MAP3K13: variants seen among roughly 807,000 people sequenced by gnomAD.
The protein encoded by MAP3K13 is mitogen-activated protein kinase kinase kinase 13.
A neutral mutation model predicts 104.0 loss-of-function variants in MAP3K13; 52 were observed. The observed-to-expected ratio is 0.50, with a 90% CI of 0.40 to 0.63. The LOEUF is 0.63. Ranked by LOEUF, MAP3K13 falls within the 20% of genes least tolerant of loss-of-function variation. MAP3K13 has a pLI of 0.00. For synonymous variants in MAP3K13, 394 were observed against 442.2 expected (o/e 0.89, Z 1.37); for missense variants, 914 against 1,218.5 (o/e 0.75, Z 3.72).
At chr3:185,336,511 C>A (rs1283201914) in intron 2 of MAP3K13, among the ~76,000 whole-genome samples, 1 of 145,946 alleles carries the variant, frequency 6.9e-6, no homozygotes, top group East Asian at 2.0e-4. Context: ...CATTGCACTC[C>A]AGCCTGGGTG....
At position 185,423,854 on chromosome 3, in the gene MAP3K13, C is replaced by T. The variant is rs912242967; in HGVS notation, c.-85-4643C>T. 2.6e-5 allele frequency among the ~76,000 whole-genome samples: 4 copies of T among 152,166 alleles called. No individual in the cohort carries two copies. Among genetic ancestry groups the T allele is most frequent in the Admixed American group, 2.0e-4 (3 of 15,286 alleles). On this transcript the variant is annotated intron_variant, in intron 1 of 13. Coordinates refer to ENST00000265026, the MANE Select transcript of MAP3K13 (RefSeq NM_004721.5). The surrounding 1 kb of genome is among the most constrained non-coding windows in gnomAD (Gnocchi z 4.1). ...TCTGGGTCAGCAGCCCCATCACGCA[C>T]GCTCTGGTCATTCCCGCTTCCCTGC...
chr3:185,428,580 C>T lies in MAP3K13; in HGVS notation c.-2C>T, dbSNP rs368387123. On this transcript the variant is annotated 5_prime_UTR_variant, in exon 2 of 14. The change creates a new upstream start codon in the 5' untranslated region. Coordinates refer to ENST00000265026, the MANE Select transcript of MAP3K13 (RefSeq NM_004721.5). Reference sequence around the variant, plus strand: ...CAGGACTTTGGTTATACTCATGGCACGATGGCCAACTTTCAGGAGCACCTG... The same window carrying T: ...CAGGACTTTGGTTATACTCATGGCATGATGGCCAACTTTCAGGAGCACCTG... 2.0e-5 allele frequency: 31 copies of T among 1,577,336 alleles called. No individual in the cohort carries two copies. In the Admixed American group the frequency reaches 3.7e-4, roughly 19 times the overall value.
At chr3:185,453,564 AT>A (rs1173871136) in intron 7 of MAP3K13, among the ~76,000 whole-genome samples, 2 of 151,804 alleles carry the variant, frequency 1.3e-5, no homozygotes, top group African/African-American at 4.8e-5. Context: ...AGGTCAAGAG[AT>A]TGAGACCATC....
In MAP3K13 at chr3:185,303,635, C is replaced by A. The variant is rs537220883; in HGVS notation, c.-86+17992C>A. ...ATTATTCATAGTACTCTCTTACAAT[C>A]CTTTTTATTTCTGTGGCATCAGTTG... On this transcript the variant is annotated intron_variant, in intron 2 of 14. Transcript: ENST00000424227. Among the ~76,000 whole-genome samples, 103 of 151,854 alleles carry A rather than the reference C, an allele frequency of 6.8e-4. No individual in the cohort carries two copies. In the Middle Eastern group the frequency reaches 0.01, roughly 15 times the overall value.
intron 7 of MAP3K13, among the ~76,000 whole-genome samples, chr3:185,458,573 C>G (rs1716905431): frequency 6.6e-6 from 1 of 152,072 alleles, no homozygotes; most frequent in Admixed American, 6.5e-5. Context: ...CAGGGAACTC[C>G]TATTGTGTTT....
intron 2 of MAP3K13, among the ~76,000 whole-genome samples, chr3:185,306,182 T>C (rs747994756): frequency 5.9e-5 from 9 of 152,214 alleles, no homozygotes; most frequent in African/African-American, 2.2e-4. Flanking sequence ...CAATCCACCA[T>C]TGATGGGCAC....
At chr3:185,403,256 T>C (rs970757841) in intron 1 of MAP3K13, among the ~76,000 whole-genome samples, 1 of 152,200 alleles carries the variant, frequency 6.6e-6, no homozygotes, top group Non-Finnish European at 1.5e-5. Flanking sequence ...CTAAACAAAT[T>C]AACCCCACTC....
intron 2 of MAP3K13, among the ~76,000 whole-genome samples, chr3:185,288,079 C>T (rs1720592790): frequency 6.6e-6 from 1 of 152,084 alleles, no homozygotes; most frequent in Non-Finnish European, 1.5e-5. Flanking sequence ...TCCTAATGTC[C>T]TTGGGATTAA....
chr3:185,484,686 G>A lies in MAP3K13; in HGVS notation c.*2230G>A, dbSNP rs986887449. On this transcript the variant is annotated 3_prime_UTR_variant, in exon 14 of 14. Transcript: ENST00000265026. ...AAGGAAAATGTTTAATTTATACAAA[G>A]AGCAGTATTGTTTGCATTAATTTAT... 2.0e-5 allele frequency: 3 copies of A among 152,216 alleles called. No homozygotes were observed. Among genetic ancestry groups the A allele is most frequent in the African/African-American group, 7.2e-5 (3 of 41,462 alleles). The allele number at this position is 152,216 out of a possible 1,614,324, so 9.4% of individuals were successfully genotyped here.
At chr3:185,440,254 GA>G (rs1047048109) in intron 3 of MAP3K13, among the ~76,000 whole-genome samples, 20 of 152,160 alleles carry the variant, frequency 1.3e-4, no homozygotes, top group Non-Finnish European at 2.8e-4. Context: ...TAGCTACTAA[GA>G]AACCTTGTCA....
At chr3:185,348,121 C>T (rs1468389057) in intron 2 of MAP3K13, among the ~76,000 whole-genome samples, 1 of 151,994 alleles carries the variant, frequency 6.6e-6, no homozygotes, top group African/African-American at 2.4e-5. Context: ...AAATAATCTC[C>T]TGGGGAAAAT....
rs1713900649 is a variant in MAP3K13, at chr3:185,418,161, G to A, written c.-85-10336G>A. ...TATCCTCATTATAGATGATGCACAG[G>A]CCCCTGCGCTGGATACGGCGACGGT... On this transcript the variant is annotated intron_variant, in intron 1 of 13. Transcript: ENST00000265026. This position sits in a 1 kb window ranked among gnomAD's most constrained non-coding sequence, Gnocchi z 4.5. 5 of 1,609,522 alleles carry A rather than the reference G, an allele frequency of 3.1e-6. No homozygotes were observed. In the South Asian group the frequency reaches 4.4e-5, roughly 14 times the overall value.
intron 1 of MAP3K13, among the ~76,000 whole-genome samples, chr3:185,415,577 C>T (rs4687335): frequency 0.26 from 19,027 of 72,062 alleles, 1,731 homozygotes; most frequent in South Asian, 0.42. Flanking sequence ...GGGTTAATTT[C>T]TTTTTTTTTT....
In MAP3K13 at chr3:185,465,860, TTAAG is replaced by T. The variant is rs757281580; in HGVS notation, c.1505_1505+3del. 1.9e-6 allele frequency: 3 copies of T among 1,605,346 alleles called. No homozygotes were observed. The African/African-American group carries it at 4.0e-5, about 21-fold the overall frequency. On this transcript the variant is annotated splice_donor_variant and coding_sequence_variant, in exon 9 of 14. Coordinates refer to ENST00000265026, the MANE Select transcript of MAP3K13 (RefSeq NM_004721.5). LOFTEE classifies it high-confidence loss of function. ...CTAGAAATGCGGGAGAAGGAGCTCA[TTAAG>T]TATGTATCCAGACTAGTGTCTGTTC...
chr3:185,287,778 G>C (rs144509433), intron 2 of MAP3K13, among the ~76,000 whole-genome samples: 1 of 152,280 alleles, frequency 6.6e-6, no homozygotes, highest in East Asian at 1.9e-4. Flanking sequence ...GCTCATGCCT[G>C]TAATCCTAGC....
rs1240346149 is a variant in MAP3K13 at position 185,486,219 on chromosome 3, C to A, written c.*3763C>A. ...TGATCAGTTTTTTTTGAATTCTCAT[C>A]TTGATTATCTGTTATGCTATTGTCA... is the stretch of plus-strand genomic sequence containing the variant. On this transcript the variant is annotated 3_prime_UTR_variant, in exon 14 of 14. Coordinates refer to ENST00000265026, the MANE Select transcript of MAP3K13 (RefSeq NM_004721.5). 6.6e-6 allele frequency: 1 copy of A among 152,146 alleles called. No homozygotes were observed. Among genetic ancestry groups the A allele is most frequent in the East Asian group, 1.9e-4 (1 of 5,196 alleles). 9.4% of individuals were successfully genotyped at this position (152,146 alleles called of 1,614,324 possible). A position where few individuals can be genotyped will look rare whatever the true frequency, so the allele number is the denominator to read the frequency against.
intron 2 of MAP3K13, among the ~76,000 whole-genome samples, chr3:185,310,367 T>C (rs1444506107): frequency 6.6e-6 from 1 of 151,970 alleles, no homozygotes; most frequent in Admixed American, 6.5e-5. Flanking sequence ...TTATGAAATA[T>C]ATGAAAAAAA....
chr3:185,400,729 G>GA (rs1314135397), intron 1 of MAP3K13, among the ~76,000 whole-genome samples: 11 of 150,210 alleles, frequency 7.3e-5, no homozygotes, highest in South Asian at 4.2e-4. Flanking sequence ...CAGCATGCAA[G>GA]AAAAAAACAG....
chr3:185,369,339 T>C (rs1419451109), intron 1 of MAP3K13, among the ~76,000 whole-genome samples: 2 of 152,340 alleles, frequency 1.3e-5, no homozygotes, highest in East Asian at 3.9e-4. Context: ...GTTGACCTAG[T>C]CAGGCACCCT....
Sources: allele counts gnomAD v4.1 joint callset (sites outside exome capture counted in the v4.1 genomes callset), GRCh38; gene constraint gnomAD v4.1.1; non-coding constraint Gnocchi (gnomAD v3.1); transcripts MANE v1.5; gene names NCBI Gene and HGNC (gene_info 2026-07-23, HGNC 2026-07-21).